Variants in CTNND2 observed in about 807,000 individuals in gnomAD.
CTNND2 encodes catenin delta-2.
In CTNND2, 22 loss-of-function variants were observed where a neutral mutation model predicts 144.4. The observed-to-expected ratio is 0.15, with a 90% CI of 0.11 to 0.22. The LOEUF is 0.22. Ranked by LOEUF, CTNND2 falls within the 10% of genes least tolerant of loss-of-function variation. The probability of loss-of-function intolerance (pLI) is 1.00; values close to 1 mark genes in which losing one functional copy is unlikely to be tolerated. For synonymous variants in CTNND2, 751 were observed against 695.6 expected (o/e 1.08, Z -1.25); for missense variants, 1,353 against 1,618.8 (o/e 0.84, Z 2.82).
intron 10 of CTNND2, among the ~76,000 whole-genome samples, chr5:11,216,250 A>G (rs1246487254): frequency 6.6e-6 from 1 of 152,206 alleles, no homozygotes; most frequent in Non-Finnish European, 1.5e-5. Context: ...TAAGATGTCA[A>G]TGTCCCGATG....
intron 3 of CTNND2, among the ~76,000 whole-genome samples, chr5:11,528,251 G>GGTCA (rs201765552): frequency 0.019 from 2,838 of 152,262 alleles, 52 homozygotes; most frequent in Middle Eastern, 0.085. Flanking sequence ...AAGCCGCACA[G>GGTCA]GTCACAGGCA....
At chr5:11,670,192 G>C (rs886913460) in intron 2 of CTNND2, among the ~76,000 whole-genome samples, 4 of 152,184 alleles carry the variant, frequency 2.6e-5, no homozygotes, top group African/African-American at 7.2e-5. Context: ...TTTAGAATAA[G>C]TGTGATGTGG....
At chr5:11,860,751 A>T (rs1795463285) in intron 1 of CTNND2, among the ~76,000 whole-genome samples, 1 of 152,208 alleles carries the variant, frequency 6.6e-6, no homozygotes, top group Non-Finnish European at 1.5e-5. Flanking sequence ...CAGTTGTAGC[A>T]TTTAAATACA....
chr5:11,751,643 A>C (rs1192406822), intron 1 of CTNND2, among the ~76,000 whole-genome samples: 1 of 151,804 alleles, frequency 6.6e-6, no homozygotes, highest in Non-Finnish European at 1.5e-5. Flanking sequence ...GCTAATGGCC[A>C]TTTAGGTTGA....
intron 1 of CTNND2, among the ~76,000 whole-genome samples, chr5:11,805,637 T>C (rs1166661660): frequency 1.3e-5 from 2 of 152,216 alleles, no homozygotes; most frequent in East Asian, 3.9e-4. Flanking sequence ...TATGCTAGCA[T>C]TGGATCATAA....
At chr5:11,431,353 G>C (rs538001246) in intron 3 of CTNND2, among the ~76,000 whole-genome samples, 1 of 152,236 alleles carries the variant, frequency 6.6e-6, no homozygotes, top group South Asian at 2.1e-4. Flanking sequence ...TACATATGAT[G>C]GATTAAAGTT....
intron 5 of CTNND2, among the ~76,000 whole-genome samples, chr5:11,403,070 T>C (rs1156448220): frequency 1.3e-5 from 2 of 152,198 alleles, no homozygotes; most frequent in Admixed American, 6.5e-5. Flanking sequence ...AGTTCTGGGA[T>C]ACATGTGCAG....
intron 16 of CTNND2, among the ~76,000 whole-genome samples, chr5:11,061,167 C>T (rs879452850): frequency 2.5e-4 from 38 of 152,114 alleles, no homozygotes; most frequent in Admixed American, 2.5e-3. Flanking sequence ...GTATTTCATC[C>T]ATCAGCAAAC....
chr5:11,646,262 A>G (rs1237195050), intron 2 of CTNND2, among the ~76,000 whole-genome samples: 1 of 152,106 alleles, frequency 6.6e-6, no homozygotes, highest in Admixed American at 6.5e-5. Context: ...TATGTGTATC[A>G]TCCTAGCTTC....
At chr5:11,833,615 C>T (rs1252467993) in intron 1 of CTNND2, among the ~76,000 whole-genome samples, 2 of 152,088 alleles carry the variant, frequency 1.3e-5, no homozygotes, top group African/African-American at 2.4e-5. Flanking sequence ...CCTCTGCCTC[C>T]CAGGTTGAAG....
intron 14 of CTNND2, among the ~76,000 whole-genome samples, chr5:11,107,875 T>C (rs1402650993): frequency 6.6e-6 from 1 of 152,134 alleles, no homozygotes. Context: ...GTCACAGCTA[T>C]GAGCATCCAC....
chr5:11,023,857 A>G (rs1742543737), intron 16 of CTNND2, among the ~76,000 whole-genome samples: 1 of 152,194 alleles, frequency 6.6e-6, no homozygotes, highest in South Asian at 2.1e-4. Flanking sequence ...CTGCAAGACA[A>G]TTAATTTATC....
chr5:11,224,785 T>A (rs1202321521), intron 10 of CTNND2, among the ~76,000 whole-genome samples: 5 of 152,224 alleles, frequency 3.3e-5, no homozygotes, highest in African/African-American at 1.2e-4. Flanking sequence ...TTTCTGAGTC[T>A]TTCTGGTTTA....
At chr5:11,559,656 G>A (rs1776528460) in intron 3 of CTNND2, among the ~76,000 whole-genome samples, 1 of 152,124 alleles carries the variant, frequency 6.6e-6, no homozygotes, top group Non-Finnish European at 1.5e-5. Context: ...AGCCTTCCAG[G>A]AGTAGCTGGA....
intron 9 of CTNND2, among the ~76,000 whole-genome samples, chr5:11,265,209 A>G (rs1019117215): frequency 6.6e-6 from 1 of 152,244 alleles, no homozygotes; most frequent in Admixed American, 6.5e-5. Context: ...TCAGGAAATT[A>G]AAATTCAGAG....
At chr5:11,546,186 G>C (rs900871748) in intron 3 of CTNND2, among the ~76,000 whole-genome samples, 2 of 152,074 alleles carry the variant, frequency 1.3e-5, no homozygotes, top group Admixed American at 1.3e-4. Flanking sequence ...TTCTAAAATG[G>C]ACTGTGGTGA....
intron 2 of CTNND2, among the ~76,000 whole-genome samples, chr5:11,694,591 G>A (rs968026452): frequency 2.6e-5 from 4 of 152,106 alleles, no homozygotes; most frequent in Admixed American, 6.5e-5. Context: ...GTCCATGCAC[G>A]GCACATGACT....
rs1458223469 is a variant in CTNND2 at position 11,903,098 on chromosome 5, C to T, written c.37+719G>A. On this transcript the variant is annotated intron_variant, in intron 1 of 21. Transcript: ENST00000304623. The surrounding 1 kb of genome is among the most constrained non-coding windows in gnomAD (Gnocchi z 5.4). ...GGAAAAAAAGAAAAAAGCAGCTTCG[C>T]TTTCAGCCATTAATTACGGATCACC... is the stretch of plus-strand genomic sequence containing the variant. 2.7e-6 allele frequency: 2 copies of T among 731,648 alleles called. No individual in the cohort carries two copies. The highest frequency in any genetic ancestry group is 3.8e-5 in the African/African-American group (2 of 52,140). 45.3% of individuals were successfully genotyped at this position (731,648 alleles called of 1,614,324 possible).
intron 9 of CTNND2, among the ~76,000 whole-genome samples, chr5:11,274,854 G>T (rs995256607): frequency 6.6e-6 from 1 of 152,118 alleles, no homozygotes. Context: ...TAGAACTACC[G>T]ATCTACAAGA....
Sources: allele counts gnomAD v4.1 joint callset (sites outside exome capture counted in the v4.1 genomes callset), GRCh38; gene constraint gnomAD v4.1.1; non-coding constraint Gnocchi (gnomAD v3.1); transcripts MANE v1.5; gene names NCBI Gene and HGNC (gene_info 2026-07-23, HGNC 2026-07-21).